The following VPS13B variants were observed in gnomAD, a reference collection of about 807,000 sequenced individuals.
VPS13B encodes the protein intermembrane lipid transfer protein VPS13B.
A neutral mutation model predicts 426.4 loss-of-function variants in VPS13B; 285 were observed. The ratio of observed to expected loss-of-function variants is 0.67; its 90% confidence interval spans 0.61 to 0.74. The LOEUF is 0.74. VPS13B is among the 30% of genes least tolerant of loss of function. VPS13B has a pLI of 0.00. For missense variants in VPS13B, 4,537 were observed against 4,782.6 expected (o/e 0.95, Z 1.51); for synonymous variants, 1,676 against 1,676.4 (o/e 1.00, Z 0.01).
intron 3 of VPS13B, among the ~76,000 whole-genome samples, chr8:99,065,872 A>T (rs865970099): frequency 6.6e-5 from 10 of 152,236 alleles, no homozygotes; most frequent in Admixed American, 2.6e-4. Context: ...ACAGACAGAG[A>T]GCCAAATCAT....
intron 39 of VPS13B, among the ~76,000 whole-genome samples, chr8:99,728,645 G>A (rs1833455676): frequency 6.6e-6 from 1 of 152,180 alleles, no homozygotes. Flanking sequence ...GTGTGTGATT[G>A]ATGAATGCTT....
chr8:99,320,965 TTAAAAC>T (rs1422666116), intron 19 of VPS13B, among the ~76,000 whole-genome samples: 4 of 152,194 alleles, frequency 2.6e-5, no homozygotes, highest in Non-Finnish European at 5.9e-5. Flanking sequence ...GCTGAAATCT[TTAAAAC>T]TAAACAAATA....
intron 37 of VPS13B, among the ~76,000 whole-genome samples, chr8:99,719,159 G>A (rs1833038221): frequency 6.6e-6 from 1 of 151,734 alleles, no homozygotes; most frequent in African/African-American, 2.4e-5. Flanking sequence ...TTTTTCCAAG[G>A]CAGCCAAGTA....
chr8:99,511,990 G>T (rs972764615), intron 29 of VPS13B, among the ~76,000 whole-genome samples: 1 of 152,120 alleles, frequency 6.6e-6, no homozygotes, highest in Admixed American at 6.5e-5. Context: ...TAAGATATTA[G>T]CCCAACATGG....
At chr8:99,501,356 C>G (rs1588442300) in intron 25 of VPS13B, among the ~76,000 whole-genome samples, 1 of 152,084 alleles carries the variant, frequency 6.6e-6, no homozygotes, top group African/African-American at 2.4e-5. Context: ...AATTTATTCC[C>G]CAATACAGAC....
chr8:99,872,093 C>T (rs35509895), intron 61 of VPS13B, among the ~76,000 whole-genome samples: 1 of 151,866 alleles, frequency 6.6e-6, no homozygotes, highest in East Asian at 1.9e-4. Flanking sequence ...AGCAATTCCA[C>T]GCAACTGCTC....
At chr8:99,771,134 T>C (rs1052198018) in intron 40 of VPS13B, among the ~76,000 whole-genome samples, 1 of 152,238 alleles carries the variant, frequency 6.6e-6, no homozygotes, top group Non-Finnish European at 1.5e-5. Context: ...ACATTTATTA[T>C]ATAACACAAT....
At chr8:99,803,589 A>C (rs1327158838) in intron 43 of VPS13B, among the ~76,000 whole-genome samples, 2 of 152,186 alleles carry the variant, frequency 1.3e-5, no homozygotes, top group African/African-American at 4.8e-5. Context: ...GGGCCCTCAG[A>C]ATTTTAGCAT....
chr8:99,663,621 C>T (rs1289025960), intron 35 of VPS13B, among the ~76,000 whole-genome samples: 2 of 152,158 alleles, frequency 1.3e-5, no homozygotes, highest in Non-Finnish European at 2.9e-5. Context: ...CTTTTTATTA[C>T]ATCAGTTTGA....
chr8:99,543,002 A>G (rs1253131877), intron 30 of VPS13B, among the ~76,000 whole-genome samples: 3 of 152,230 alleles, frequency 2.0e-5, no homozygotes, highest in African/African-American at 7.2e-5. Flanking sequence ...CCGCATTGCC[A>G]AGTCAATCCT....
intron 43 of VPS13B, among the ~76,000 whole-genome samples, chr8:99,803,493 G>T (rs976057443): frequency 4.0e-5 from 6 of 151,898 alleles, no homozygotes; most frequent in African/African-American, 7.3e-5. Context: ...TACATCAAAG[G>T]GTCCAAAAAT....
At chr8:99,788,571 C>T (rs1812388050) in intron 43 of VPS13B, among the ~76,000 whole-genome samples, 1 of 152,178 alleles carries the variant, frequency 6.6e-6, no homozygotes, top group Admixed American at 6.6e-5. Context: ...TTTAAGCTTT[C>T]AGGATTTACA....
At chr8:99,719,519 A>G (rs1369669152) in intron 37 of VPS13B, among the ~76,000 whole-genome samples, 1 of 152,042 alleles carries the variant, frequency 6.6e-6, no homozygotes. Flanking sequence ...TGGGGCTATT[A>G]TTTTCTACTA....
intron 31 of VPS13B, among the ~76,000 whole-genome samples, chr8:99,559,263 T>C (rs944152079): frequency 6.6e-6 from 1 of 152,232 alleles, no homozygotes; most frequent in Non-Finnish European, 1.5e-5. Flanking sequence ...ATTTGATTTT[T>C]TGTTGTAAAT....
chr8:99,250,290 T>G (rs118011219), intron 17 of VPS13B, among the ~76,000 whole-genome samples: 1 of 152,310 alleles, frequency 6.6e-6, no homozygotes, highest in Non-Finnish European at 1.5e-5. Flanking sequence ...AGCTATATGG[T>G]TTACAACTAT....
At chr8:99,299,864 C>A (rs570163843) in intron 19 of VPS13B, among the ~76,000 whole-genome samples, 3 of 152,080 alleles carry the variant, frequency 2.0e-5, no homozygotes, top group African/African-American at 7.2e-5. Flanking sequence ...GAGCCGTGAT[C>A]GTGCCATTGC....
At chr8:99,264,197 T>A (rs1338053127) in intron 17 of VPS13B, among the ~76,000 whole-genome samples, 1 of 151,974 alleles carries the variant, frequency 6.6e-6, no homozygotes, top group African/African-American at 2.4e-5. Flanking sequence ...TAATTACTTT[T>A]AATTTTTGGA....
At chr8:99,593,569 A>G (rs1826805822) in intron 33 of VPS13B, among the ~76,000 whole-genome samples, 1 of 152,188 alleles carries the variant, frequency 6.6e-6, no homozygotes, top group African/African-American at 2.4e-5. Context: ...ATATACCCAA[A>G]GGAATATAAA....
intron 16 of VPS13B, among the ~76,000 whole-genome samples, chr8:99,185,747 T>C (rs1191612946): frequency 9.9e-5 from 15 of 152,216 alleles, no homozygotes; most frequent in Non-Finnish European, 2.2e-4. Context: ...ATGGATTGTT[T>C]AATTTCTTTG....
Sources: allele counts gnomAD v4.1 joint callset (sites outside exome capture counted in the v4.1 genomes callset), GRCh38; gene constraint gnomAD v4.1.1; transcripts MANE v1.5; gene names NCBI Gene and HGNC (gene_info 2026-07-23, HGNC 2026-07-21).